CEP128: variants seen among roughly 807,000 people sequenced by gnomAD.
CEP128 encodes the protein centrosomal protein 128kDa.
Under a neutral mutation model 156.7 loss-of-function variants are expected in CEP128, and 132 were observed. The ratio of observed to expected loss-of-function variants is 0.84; its 90% confidence interval spans 0.73 to 0.97. The LOEUF (loss-of-function observed/expected upper bound fraction) is 0.97. Ranked by LOEUF, CEP128 falls within the 50% of genes least tolerant of loss-of-function variation. CEP128 has a pLI of 0.00. For missense variants in CEP128, 1,252 were observed against 1,281.9 expected, an observed-to-expected ratio of 0.98 and a Z score of 0.36; for synonymous variants, 469 against 448.9, an observed-to-expected ratio of 1.04 and a Z score of -0.57.
At chr14:80,778,492 G>A (rs1235449332) in intron 15 of CEP128, among the ~76,000 whole-genome samples, 1 of 152,168 alleles carries the variant, frequency 6.6e-6, no homozygotes, top group Non-Finnish European at 1.5e-5. Flanking sequence ...TATAGATGGG[G>A]CTTAACATTC....
At chr14:80,638,132 C>A (rs999736311) in intron 19 of CEP128, among the ~76,000 whole-genome samples, 1 of 152,168 alleles carries the variant, frequency 6.6e-6, no homozygotes, top group Admixed American at 6.6e-5. Flanking sequence ...GATTTCTAAT[C>A]ATCTCTTTCC....
intron 8 of CEP128, among the ~76,000 whole-genome samples, chr14:80,882,972 T>C (rs10129361): frequency 0.065 from 9,830 of 152,212 alleles, 1,050 homozygotes; most frequent in African/African-American, 0.22. Flanking sequence ...GAATAAGACC[T>C]GGTGTTTGAT....
intron 13 of CEP128, chr14:80,830,433 G>A (rs1004978385): frequency 2.5e-6 from 1 of 396,102 alleles, no homozygotes; most frequent in Non-Finnish European, 4.5e-6. Context: ...TACAAAAACA[G>A]ATACAGGGAG....
chr14:80,937,549 A>G (rs1885878774), intron 2 of CEP128, among the ~76,000 whole-genome samples: 1 of 152,194 alleles, frequency 6.6e-6, no homozygotes, highest in Non-Finnish European at 1.5e-5. Flanking sequence ...TTGTAAAAGA[A>G]TAAGAAAAAA....
In CEP128 at chr14:80,707,284, A is replaced by T. The variant is rs565517236; in HGVS notation, c.2806+35791T>A. 2.6e-4 allele frequency among the ~76,000 whole-genome samples: 40 copies of T among 152,226 alleles called. 1 individual carries two copies. Among genetic ancestry groups the T allele is most frequent in the African/African-American group, 9.4e-4 (39 of 41,548 alleles). ...CCTACTTTTGTAGGCTATGGTTCTA[A>T]TGACAGTTAAATTTTCAGAGACCTT... On this transcript the variant is annotated intron_variant, in intron 19 of 24. Coordinates refer to ENST00000555265, the MANE Select transcript of CEP128 (RefSeq NM_152446.5).
At chr14:80,536,283 T>C (rs1459487335) in intron 21 of CEP128, among the ~76,000 whole-genome samples, 2 of 152,142 alleles carry the variant, frequency 1.3e-5, no homozygotes, top group Non-Finnish European at 2.9e-5. Flanking sequence ...TACTGCTCTT[T>C]GAAAAAAAAT....
At chr14:80,956,368 T>C (rs1886685452) in intron 2 of CEP128, among the ~76,000 whole-genome samples, 1 of 152,270 alleles carries the variant, frequency 6.6e-6, no homozygotes, top group Non-Finnish European at 1.5e-5. Flanking sequence ...CTATACAGTA[T>C]CTGTAAGTTA....
chr14:80,798,736 G>T (rs1458651701), intron 13 of CEP128, among the ~76,000 whole-genome samples: 3 of 152,122 alleles, frequency 2.0e-5, no homozygotes, highest in African/African-American at 4.8e-5. Context: ...TTCCATGAGG[G>T]TTTAAGAGAC....
At chr14:80,955,399 G>A in intron 2 of CEP128, 3 of 532,908 alleles carry the variant, frequency 5.6e-6, no homozygotes, top group Non-Finnish European at 1.0e-5. Flanking sequence ...CTGGTGTTGG[G>A]TGTCAGGGAA....
At chr14:80,627,539 T>C (rs924096884) in intron 19 of CEP128, among the ~76,000 whole-genome samples, 6 of 152,190 alleles carry the variant, frequency 3.9e-5, no homozygotes, top group Non-Finnish European at 7.4e-5. Flanking sequence ...ATTTCATGAA[T>C]GAATAATACA....
At chr14:80,926,670 C>T (rs1885167346) in intron 2 of CEP128, among the ~76,000 whole-genome samples, 1 of 152,176 alleles carries the variant, frequency 6.6e-6, no homozygotes, top group Non-Finnish European at 1.5e-5. Flanking sequence ...ATAAGGCAAG[C>T]ACAAATCCCA....
At chr14:80,903,280 G>A (rs1883687468) in intron 6 of CEP128, among the ~76,000 whole-genome samples, 1 of 152,108 alleles carries the variant, frequency 6.6e-6, no homozygotes, top group Non-Finnish European at 1.5e-5. Flanking sequence ...TCAATAAATT[G>A]TGTTGACAAA....
At chr14:80,834,848 CTT>C (rs1885992128) in intron 12 of CEP128, among the ~76,000 whole-genome samples, 1 of 152,142 alleles carries the variant, frequency 6.6e-6, no homozygotes, top group South Asian at 2.1e-4. Context: ...CTTAATGAAA[CTT>C]AATGGCATAC....
intron 8 of CEP128, among the ~76,000 whole-genome samples, chr14:80,872,204 T>C (rs1327490969): frequency 6.6e-6 from 1 of 152,138 alleles, no homozygotes; most frequent in Non-Finnish European, 1.5e-5. Context: ...CTCAGCTCAA[T>C]AAAATCTAGA....
At chr14:80,794,908 T>C (rs1883375327) in intron 13 of CEP128, among the ~76,000 whole-genome samples, 1 of 152,158 alleles carries the variant, frequency 6.6e-6, no homozygotes, top group African/African-American at 2.4e-5. Flanking sequence ...ATCAAATAAC[T>C]ATGACTGTGA....
At chr14:80,512,921 C>T (rs1888326078) in intron 23 of CEP128, among the ~76,000 whole-genome samples, 1 of 151,962 alleles carries the variant, frequency 6.6e-6, no homozygotes, top group Admixed American at 6.6e-5. Flanking sequence ...TATCTTACGC[C>T]ATTTATGTCC....
At chr14:80,953,589 A>C (rs1486237660) in intron 2 of CEP128, among the ~76,000 whole-genome samples, 1 of 152,190 alleles carries the variant, frequency 6.6e-6, no homozygotes, top group African/African-American at 2.4e-5. Flanking sequence ...CGTCTCAAAC[A>C]AACAAACAAA....
intron 19 of CEP128, among the ~76,000 whole-genome samples, chr14:80,647,037 GTATA>G (rs60895994): frequency 0.044 from 3,034 of 69,326 alleles, 313 homozygotes; most frequent in South Asian, 0.064. Flanking sequence ...ATGTGTGCAT[GTATA>G]TATATATATA....
At chr14:80,909,131 T>G (rs1433918840) in intron 4 of CEP128, among the ~76,000 whole-genome samples, 3 of 152,162 alleles carry the variant, frequency 2.0e-5, no homozygotes, top group Non-Finnish European at 4.4e-5. Context: ...CTTCTGGACT[T>G]AAGTTTTTTG....
Sources: allele counts gnomAD v4.1 joint callset (sites outside exome capture counted in the v4.1 genomes callset), GRCh38; gene constraint gnomAD v4.1.1; transcripts MANE v1.5; gene names NCBI Gene and HGNC (gene_info 2026-07-23, HGNC 2026-07-21).